Variants in NSL1 observed in about 807,000 individuals in gnomAD.
NSL1 encodes the protein NSL1 component of MIS12 kinetochore complex, also known as kinetochore-associated protein NSL1 homolog.
NSL1 carries 11 observed loss-of-function variants against 25.4 expected under a neutral mutation model. The ratio of observed to expected loss-of-function variants is 0.43; its 90% CI spans 0.27 to 0.72. The LOEUF (loss-of-function observed/expected upper bound fraction) is 0.72, where lower values mean the gene tolerates loss of function less well. NSL1 is among the 30% of genes least tolerant of loss of function. The pLI, the probability that NSL1 is intolerant of heterozygous loss-of-function variation, is 0.19. For synonymous variants in NSL1, 118 were observed against 120.6 expected, an observed-to-expected ratio of 0.98 and a Z score of 0.14; for missense variants, 330 against 342.7, an observed-to-expected ratio of 0.96 and a Z score of 0.29.
intron 4 of NSL1, among the ~76,000 whole-genome samples, chr1:212,747,744 T>C (rs960478831): frequency 2.0e-5 from 3 of 152,172 alleles, no homozygotes. Context: ...TAGGTAGAAA[T>C]AAAATTCCTA....
chr1:212,790,941 A>AAAT (rs1553255519), intron 1 of NSL1, among the ~76,000 whole-genome samples: 2,800 of 151,696 alleles, frequency 0.018, 102 homozygotes, highest in African/African-American at 0.065. Context: ...AAAATAAAAT[A>AAAT]AAATAAATAA....
At chr1:212,740,390 A>G (rs1011610166) in intron 4 of NSL1, among the ~76,000 whole-genome samples, 2 of 152,208 alleles carry the variant, frequency 1.3e-5, no homozygotes, top group Non-Finnish European at 2.9e-5. Context: ...CACATTTAGA[A>G]AAATGGAAAT....
chr1:212,781,584 G>A (rs927213625), intron 4 of NSL1, among the ~76,000 whole-genome samples: 1 of 152,156 alleles, frequency 6.6e-6, no homozygotes, highest in Non-Finnish European at 1.5e-5. Flanking sequence ...TTTGGGGAAG[G>A]TGGAGGAACA....
intron 4 of NSL1, among the ~76,000 whole-genome samples, chr1:212,758,187 C>A (rs983537123): frequency 1.1e-4 from 17 of 152,108 alleles, no homozygotes; most frequent in African/African-American, 3.1e-4. Context: ...AAACACCATA[C>A]TAGAAAATAA....
intron 4 of NSL1, among the ~76,000 whole-genome samples, chr1:212,771,995 G>A (rs1362369056): frequency 2.6e-5 from 4 of 152,168 alleles, no homozygotes; most frequent in South Asian, 4.1e-4. Context: ...TACTGCTCTT[G>A]TAACAGTGAA....
At chr1:212,770,673 G>A (rs1388391675) in intron 4 of NSL1, among the ~76,000 whole-genome samples, 1 of 152,150 alleles carries the variant, frequency 6.6e-6, no homozygotes, top group Non-Finnish European at 1.5e-5. Context: ...CAAGAGGGAA[G>A]AATTGTTCCT....
intron 4 of NSL1, among the ~76,000 whole-genome samples, chr1:212,769,518 C>A (rs1659999380): frequency 6.6e-6 from 1 of 152,064 alleles, no homozygotes; most frequent in Admixed American, 6.5e-5. Flanking sequence ...CCCAGAAAAG[C>A]TATCCTTCAA....
chr1:212,771,284 A>G (rs1558056472), intron 4 of NSL1, among the ~76,000 whole-genome samples: 1 of 152,232 alleles, frequency 6.6e-6, no homozygotes, highest in Non-Finnish European at 1.5e-5. Flanking sequence ...ATTGGACTCC[A>G]GCCTGGGCAA....
At chr1:212,741,504 C>T (rs1341036329) in intron 4 of NSL1, among the ~76,000 whole-genome samples, 1 of 152,116 alleles carries the variant, frequency 6.6e-6, no homozygotes, top group Non-Finnish European at 1.5e-5. Flanking sequence ...CTCATGAGAT[C>T]TGGTTGTTTG....
chr1:212,752,767 A>C (rs1659124637), intron 4 of NSL1, among the ~76,000 whole-genome samples: 2 of 152,260 alleles, frequency 1.3e-5, no homozygotes, highest in East Asian at 1.9e-4. Flanking sequence ...TCTAAAACAC[A>C]GGGAAATGAA....
chr1:212,770,975 C>T (rs1660078374), intron 4 of NSL1, among the ~76,000 whole-genome samples: 1 of 152,136 alleles, frequency 6.6e-6, no homozygotes, highest in Non-Finnish European at 1.5e-5. Context: ...TCAATAGATG[C>T]AGAAAAGGCA....
intron 4 of NSL1, among the ~76,000 whole-genome samples, chr1:212,751,854 C>G (rs879848139): frequency 4.6e-5 from 7 of 152,116 alleles, no homozygotes; most frequent in Non-Finnish European, 8.8e-5. Flanking sequence ...TTTTCACTCC[C>G]TCACTCAAGA....
In NSL1 at chr1:212,734,497, A is replaced by G. The variant is rs1026420109; in HGVS notation, c.*3911T>C. Among the ~76,000 whole-genome samples, 1 of 152,204 alleles carries G rather than the reference A, an allele frequency of 6.6e-6. No homozygotes were observed. The highest frequency in any genetic ancestry group is 1.5e-5 in the Non-Finnish European group (1 of 68,040). On this transcript the variant is annotated 3_prime_UTR_variant, in exon 6 of 6. Transcript: ENST00000366977. ...CCATGTGAGCACCACTCAGATCAAGATACAGAACATTTTGCTCACCCAAAA... is the reference window on the plus strand; with the variant it reads ...CCATGTGAGCACCACTCAGATCAAGGTACAGAACATTTTGCTCACCCAAAA...
Position 212,737,764 on chromosome 1 carries a change from C to T in NSL1, c.*644G>A, listed in dbSNP as rs778557126. The T allele has an allele frequency of 8.3e-5, 82 of 984,710 alleles. No individual in the cohort carries two copies. Among genetic ancestry groups the T allele is most frequent in the Admixed American group, 1.2e-4 (2 of 16,260 alleles). 61.0% of individuals were successfully genotyped at this position (984,710 alleles called of 1,614,324 possible). ...GAGTGTGGGCAGGAAACATTGGCTA[C>T]ATGCCAATTTTTATTTCAAAGAGTA... On this transcript the variant is annotated 3_prime_UTR_variant, in exon 6 of 6. Transcript: ENST00000366977.
chr1:212,783,125 G>A (rs748035861), intron 3 of NSL1, among the ~76,000 whole-genome samples: 1 of 152,170 alleles, frequency 6.6e-6, no homozygotes, highest in Non-Finnish European at 1.5e-5. Context: ...TGAGCAACAA[G>A]GAGGGAAGAA....
intron 4 of NSL1, among the ~76,000 whole-genome samples, chr1:212,756,236 C>G (rs1433158003): frequency 6.6e-6 from 1 of 152,094 alleles, no homozygotes; most frequent in African/African-American, 2.4e-5. Flanking sequence ...CCTCCCTCTG[C>G]AGCTTCCCGA....
At position 212,738,450 on chromosome 1, in the gene NSL1, T is replaced by C. The variant is rs1658333824; in HGVS notation, c.804A>G (p.Lys268=). 1.2e-6 allele frequency: 2 copies of C among 1,613,676 alleles called. No homozygotes were observed. The highest frequency in any genetic ancestry group is 1.3e-5 in the African/African-American group (1 of 74,850). Residue 268 remains lysine (K), a synonymous_variant, in exon 6 of 6, where the codon AAA becomes AAG. Transcript: ENST00000366977. The stretch of plus-strand genomic sequence containing the variant: ...TTTTCTTTGGCCGCAATGGATACCA[T>C]TTTCTCTGGGGGCAGTCTTTAGTTT... ...RKQTKDCPQR[K]WYPLRPKKIN...
At chr1:212,771,214 T>C (rs1486315709) in intron 4 of NSL1, among the ~76,000 whole-genome samples, 1 of 152,160 alleles carries the variant, frequency 6.6e-6, no homozygotes, top group Non-Finnish European at 1.5e-5. Context: ...CTCAGGAGAC[T>C]GAGGCAGGAG....
Position 212,727,689 on chromosome 1 carries a change from C to T in NSL1, c.*10719G>A, listed in dbSNP as rs1300913599. 8 of 984,958 alleles carry T rather than the reference C, an allele frequency of 8.1e-6. No homozygotes were observed. The highest frequency in any genetic ancestry group is 1.2e-4 in the Admixed American group (2 of 16,264). The allele number at this position is 984,958 out of a possible 1,614,324, so 61.0% of individuals were successfully genotyped here. A position where few individuals can be genotyped will look rare whatever the true frequency, so the allele number is the denominator to read the frequency against. The stretch of plus-strand genomic sequence containing the variant: ...AACAATCAGGACTGTTAGCTTCCCA[C>T]GATGAAAGAATGACTAGCTATGATG... On this transcript the variant is annotated 3_prime_UTR_variant, in exon 6 of 6. Coordinates refer to ENST00000366977, the MANE Select transcript of NSL1 (RefSeq NM_015471.4).
Sources: gnomAD v4.1 joint callset for allele counts (sites outside exome capture counted in the v4.1 genomes callset) on GRCh38, gnomAD v4.1.1 for gene constraint, MANE v1.5 for transcripts, NCBI Gene and HGNC (gene_info 2026-07-23, HGNC 2026-07-21) for gene names.